Variants in NRXN1 observed in about 807,000 individuals in gnomAD.
NRXN1 encodes the protein neurexin-1.
NRXN1 carries 39 observed loss-of-function variants against 150.9 expected under a neutral mutation model. The ratio of observed to expected loss-of-function variants is 0.26; its 90% CI spans 0.20 to 0.34. The LOEUF is 0.34. Ranked by LOEUF, NRXN1 falls within the 10% of genes least tolerant of loss-of-function variation. The probability of loss-of-function intolerance (pLI) is 1.00; values close to 1 mark genes in which losing one functional copy is unlikely to be tolerated. For missense variants in NRXN1, 1,815 were observed against 1,949.9 expected (o/e 0.93, Z 1.30); for synonymous variants, 924 against 757.0 (o/e 1.22, Z -3.62).
intron 8 of NRXN1, among the ~76,000 whole-genome samples, chr2:50,610,638 G>GATAC (rs1293890814): frequency 1.4e-3 from 41 of 29,560 alleles, no homozygotes; most frequent in African/African-American, 4.5e-3. Context: ...ACTATAAATA[G>GATAC]ATACATATAT....
intron 21 of NRXN1, among the ~76,000 whole-genome samples, chr2:50,033,480 G>A (rs72889551): frequency 0.032 from 4,893 of 152,064 alleles, 258 homozygotes; most frequent in African/African-American, 0.11. Flanking sequence ...ATTAACTCAG[G>A]ACAGATTAAC....
At chr2:50,791,314 C>A (rs868384813) in intron 5 of NRXN1, among the ~76,000 whole-genome samples, 1,233 of 110,924 alleles carry the variant, frequency 0.011, no homozygotes, top group South Asian at 0.013. Flanking sequence ...CTGCTTGCTA[C>A]AAAAAAAAAA....
intron 21 of NRXN1, among the ~76,000 whole-genome samples, chr2:50,042,788 A>G (rs1691210199): frequency 6.6e-6 from 1 of 152,198 alleles, no homozygotes. Flanking sequence ...CTATCTATTT[A>G]AATGAATCTC....
intron 5 of NRXN1, among the ~76,000 whole-genome samples, chr2:50,868,652 TA>T (rs1262294817): frequency 6.6e-6 from 1 of 151,912 alleles, no homozygotes; most frequent in African/African-American, 2.4e-5. Flanking sequence ...GTTAAAGAAT[TA>T]AAATTATTGT....
rs1046753934 is a variant in NRXN1, at chr2:50,450,689, C to T, written c.3364+14753G>A. On this transcript the variant is annotated intron_variant, in intron 17 of 22. Coordinates refer to ENST00000401669, the MANE Select transcript of NRXN1 (RefSeq NM_001330078.2). ...CATAAGTTATCCTTGGAAAGTGAAA[C>T]GATGCTTTCACGCTGTTTCTCACTT... Among the ~76,000 whole-genome samples the T allele has an allele frequency of 2.6e-5, 4 of 152,120 alleles. No individual in the cohort carries two copies. The South Asian group carries it at 8.3e-4, about 31-fold the overall frequency.
intron 5 of NRXN1, among the ~76,000 whole-genome samples, chr2:50,754,962 T>C (rs962057878): frequency 1.3e-5 from 2 of 151,892 alleles, no homozygotes; most frequent in African/African-American, 4.8e-5. Flanking sequence ...TTATCTGAAG[T>C]ACTTTGGGTC....
intron 19 of NRXN1, among the ~76,000 whole-genome samples, chr2:50,063,293 C>T (rs1694837054): frequency 6.6e-6 from 1 of 152,070 alleles, no homozygotes; most frequent in Admixed American, 6.6e-5. Context: ...TATAGCTATT[C>T]TAATAAAACA....
chr2:50,468,151 G>C (rs1331885707), intron 16 of NRXN1, among the ~76,000 whole-genome samples: 1 of 151,610 alleles, frequency 6.6e-6, no homozygotes, highest in Non-Finnish European at 1.5e-5. Flanking sequence ...GAAAAGGTCA[G>C]AAGCAAGAAC....
At chr2:50,121,118 G>T (rs1703796439) in intron 18 of NRXN1, among the ~76,000 whole-genome samples, 1 of 152,186 alleles carries the variant, frequency 6.6e-6, no homozygotes, top group South Asian at 2.1e-4. Context: ...TCTGCCTCCG[G>T]GTTCAAGCGA....
chr2:50,561,524 G>C (rs1388696251), intron 8 of NRXN1, among the ~76,000 whole-genome samples: 1 of 152,110 alleles, frequency 6.6e-6, no homozygotes, highest in Non-Finnish European at 1.5e-5. Context: ...TAATGTATTG[G>C]GGACTTCAGT....
At chr2:50,111,968 A>G (rs557792128) in intron 18 of NRXN1, among the ~76,000 whole-genome samples, 2 of 152,256 alleles carry the variant, frequency 1.3e-5, no homozygotes, top group South Asian at 4.1e-4. Context: ...GGTACTCAAC[A>G]GTGTAATATG....
In NRXN1 at chr2:50,690,962, T is replaced by C. The variant is rs142793366; in HGVS notation, c.833-67347A>G. 6.1e-3 allele frequency among the ~76,000 whole-genome samples: 928 copies of C among 152,318 alleles called. 9 individuals are homozygous for C. The highest frequency in any genetic ancestry group is 0.021 in the African/African-American group (868 of 41,568). On this transcript the variant is annotated intron_variant, in intron 5 of 22. Coordinates refer to ENST00000401669, the MANE Select transcript of NRXN1 (RefSeq NM_001330078.2). ...CGGGTACAACAGATTAAATGATGAT[T>C]AAGCTGAGTGTTAAATTTAGGATGT...
At chr2:50,414,234 TA>T (rs1016604004) in intron 17 of NRXN1, among the ~76,000 whole-genome samples, 12 of 152,240 alleles carry the variant, frequency 7.9e-5, no homozygotes, top group African/African-American at 2.6e-4. Context: ...GGATAAATGC[TA>T]GGGGGGATGG....
intron 5 of NRXN1, among the ~76,000 whole-genome samples, chr2:50,693,008 T>G (rs926038493): frequency 6.6e-6 from 1 of 152,136 alleles, no homozygotes; most frequent in Non-Finnish European, 1.5e-5. Context: ...TGTGTCAATG[T>G]TATTGATGGG....
intron 2 of NRXN1, among the ~76,000 whole-genome samples, chr2:50,995,304 A>C (rs960838009): frequency 2.0e-5 from 3 of 152,026 alleles, no homozygotes; most frequent in South Asian, 4.1e-4. Context: ...GAGAAAAGAC[A>C]GGAACTCAGA....
At chr2:50,144,177 T>C (rs1307223517) in intron 18 of NRXN1, among the ~76,000 whole-genome samples, 2 of 151,842 alleles carry the variant, frequency 1.3e-5, no homozygotes, top group Non-Finnish European at 2.9e-5. Flanking sequence ...AGTTTTGGGA[T>C]CCAAAAAATA....
At chr2:50,132,701 T>A (rs1200371004) in intron 18 of NRXN1, among the ~76,000 whole-genome samples, 1 of 152,098 alleles carries the variant, frequency 6.6e-6, no homozygotes, top group Admixed American at 6.5e-5. Context: ...CTCAGTTGTG[T>A]TTCTCTCTAT....
chr2:50,951,963 A>ATATTTTTT (rs1387961788), intron 2 of NRXN1, among the ~76,000 whole-genome samples: 39 of 74,818 alleles, frequency 5.2e-4, no homozygotes, highest in Non-Finnish European at 6.7e-4. Flanking sequence ...ATATATATAT[A>ATATTTTTT]TTTTTTTTTT....
intron 17 of NRXN1, among the ~76,000 whole-genome samples, chr2:50,309,615 G>A (rs2074989836): frequency 6.6e-6 from 1 of 152,132 alleles, no homozygotes; most frequent in African/African-American, 2.4e-5. Context: ...AACTCTTTTA[G>A]TTATGCATAA....
Sources: gnomAD v4.1 joint callset for allele counts (sites outside exome capture counted in the v4.1 genomes callset) on GRCh38, gnomAD v4.1.1 for gene constraint, MANE v1.5 for transcripts, NCBI Gene and HGNC (gene_info 2026-07-23, HGNC 2026-07-21) for gene names.